The following LRRC7 variants were observed in gnomAD, a reference collection of about 807,000 sequenced individuals.
LRRC7 encodes leucine rich repeat containing 7.
LRRC7 carries 23 observed loss-of-function variants against 175.7 expected under a neutral mutation model. That is an observed-to-expected ratio of 0.13 (90% CI 0.09 to 0.19). The LOEUF is 0.19. Among genes scored for constraint, LRRC7 ranks in the 10% least tolerant of loss-of-function variants. LRRC7 has a pLI of 1.00. For missense variants in LRRC7, 1,354 were observed against 1,904.7 expected (o/e 0.71, Z 5.38); for synonymous variants, 685 against 680.9 (o/e 1.01, Z -0.09).
chr1:69,905,541 A>C (rs940874535), intron 7 of LRRC7, among the ~76,000 whole-genome samples: 1 of 152,118 alleles, frequency 6.6e-6, no homozygotes, highest in African/African-American at 2.4e-5. Flanking sequence ...GTTTGCTGAA[A>C]ATGATGGTTT....
intron 2 of LRRC7, among the ~76,000 whole-genome samples, chr1:69,714,732 G>A (rs1665148708): frequency 6.6e-6 from 1 of 151,906 alleles, no homozygotes; most frequent in Admixed American, 6.6e-5. Context: ...GGTAAAGTCA[G>A]GGGCAGAGAA....
At chr1:69,836,350 A>G (rs1681103459) in intron 6 of LRRC7, among the ~76,000 whole-genome samples, 1 of 152,156 alleles carries the variant, frequency 6.6e-6, no homozygotes, top group South Asian at 2.1e-4. Context: ...TTCATCATTC[A>G]TCCACAGAAA....
At chr1:69,735,195 A>G (rs1436632135) in intron 2 of LRRC7, among the ~76,000 whole-genome samples, 2 of 152,084 alleles carry the variant, frequency 1.3e-5, no homozygotes, top group East Asian at 1.9e-4. Context: ...TAATAATTCC[A>G]TAATAATATC....
chr1:70,048,802 T>C (rs1010156039), intron 22 of LRRC7, among the ~76,000 whole-genome samples: 1 of 152,090 alleles, frequency 6.6e-6, no homozygotes, highest in Non-Finnish European at 1.5e-5. Flanking sequence ...GAGCACTCAG[T>C]ATCACCAAGA....
intron 10 of LRRC7, among the ~76,000 whole-genome samples, chr1:69,987,313 C>CT (rs978361504): frequency 6.6e-6 from 1 of 152,126 alleles, no homozygotes; most frequent in Non-Finnish European, 1.5e-5. Context: ...AATGTGTAAG[C>CT]TTTTTTGTGT....
At chr1:69,746,534 A>G (rs1669273129) in intron 2 of LRRC7, among the ~76,000 whole-genome samples, 1 of 152,140 alleles carries the variant, frequency 6.6e-6, no homozygotes, top group Non-Finnish European at 1.5e-5. Flanking sequence ...CAACAGATTG[A>G]TGAATCTAAT....
At chr1:70,002,178 G>A (rs903922659) in intron 11 of LRRC7, among the ~76,000 whole-genome samples, 2 of 152,156 alleles carry the variant, frequency 1.3e-5, no homozygotes, top group African/African-American at 4.8e-5. Context: ...CTGAAAGGTT[G>A]TTTTTAAAAG....
chr1:69,687,520 C>CAAAAAAAA (rs551726376), intron 2 of LRRC7, among the ~76,000 whole-genome samples: 1,268 of 95,772 alleles, frequency 0.013, no homozygotes, highest in East Asian at 0.021. Flanking sequence ...AAGAAAAAAC[C>CAAAAAAAA]AAAAAAAAAA....
rs571941189 is a variant in LRRC7 at position 70,079,455 on chromosome 1, G to A, written c.4452+3157G>A. Among the ~76,000 whole-genome samples, 27 of 152,250 alleles carry A rather than the reference G, an allele frequency of 1.8e-4. No individual in the cohort carries two copies. In the East Asian group the frequency reaches 2.9e-3, roughly 16 times the overall value. On this transcript the variant is annotated intron_variant, in intron 24 of 26. Transcript: ENST00000651989. The stretch of plus-strand genomic sequence containing the variant: ...TTAAGAGCAAGGAGACACAGTAAAC[G>A]TGGTACAAAGAAAGTCTACTCAGTA...
At chr1:69,760,526 C>T (rs1670924734) in intron 3 of LRRC7, 133 bp downstream of exon 3, 2 of 727,824 alleles carry the variant, frequency 2.7e-6, no homozygotes, top group South Asian at 1.9e-5. Flanking sequence ...GATATAACTT[C>T]CCCCAATATT....
chr1:69,988,962 C>T (rs1447660394), intron 10 of LRRC7, among the ~76,000 whole-genome samples: 1 of 151,868 alleles, frequency 6.6e-6, no homozygotes, highest in Non-Finnish European at 1.5e-5. Context: ...AAAATTCAAC[C>T]AAATAGGAGA....
rs915083233 is a variant in LRRC7, at chr1:69,769,588, C to T, written c.303+9195C>T. Among the ~76,000 whole-genome samples, 11 of 152,242 alleles carry T rather than the reference C, an allele frequency of 7.2e-5. No individual in the cohort carries two copies. The South Asian group carries it at 1.0e-3, about 14-fold the overall frequency. Reference sequence around the variant, plus strand: ...CATAAATGAATTTTGTGTTTAGACTCTGGTCCCATCCTCAAGATATCTCAT... The same window carrying T: ...CATAAATGAATTTTGTGTTTAGACTTTGGTCCCATCCTCAAGATATCTCAT... On this transcript the variant is annotated intron_variant, in intron 3 of 26. Coordinates refer to ENST00000651989, the MANE Select transcript of LRRC7 (RefSeq NM_001370785.2).
Position 70,124,536 on chromosome 1 carries a change from A to G in LRRC7, c.*2649A>G, listed in dbSNP as rs1666359841. Among the ~76,000 whole-genome samples, 2 of 152,228 alleles carry G rather than the reference A, an allele frequency of 1.3e-5. No individual in the cohort carries two copies. The highest frequency in any genetic ancestry group is 4.2e-4 in the South Asian group (2 of 4,816). ...CGAAACTCTGTCTCAAAATAAATAA[A>G]TAAATTATTTATTTAAGTAGAAAAG... On this transcript the variant is annotated 3_prime_UTR_variant, in exon 27 of 27. Transcript: ENST00000651989.
rs557726095 is a variant in LRRC7 at position 69,769,571 on chromosome 1, A to C, written c.303+9178A>C. 1.1e-4 allele frequency among the ~76,000 whole-genome samples: 17 copies of C among 152,290 alleles called. 1 individual carries two copies. Among genetic ancestry groups the C allele is most frequent in the Admixed American group, 9.8e-4 (15 of 15,296 alleles). Reference sequence around the variant, plus strand: ...ATAAAGTGTATATGAAGCATAAATGAATTTTGTGTTTAGACTCTGGTCCCA... The same window carrying C: ...ATAAAGTGTATATGAAGCATAAATGCATTTTGTGTTTAGACTCTGGTCCCA... On this transcript the variant is annotated intron_variant, in intron 3 of 26. Transcript: ENST00000651989.
chr1:69,582,532 G>A (rs969502087), intron 1 of LRRC7, among the ~76,000 whole-genome samples: 1 of 152,168 alleles, frequency 6.6e-6, no homozygotes, highest in South Asian at 2.1e-4. Flanking sequence ...AGGTCCATTT[G>A]CAGTCCTTTG....
intron 7 of LRRC7, among the ~76,000 whole-genome samples, chr1:69,860,942 A>G (rs1684294248): frequency 6.6e-6 from 1 of 152,066 alleles, no homozygotes; most frequent in South Asian, 2.1e-4. Flanking sequence ...ATTAACTGAA[A>G]TAATCTTAGA....
At chr1:69,621,797 G>C (rs1370843971) in intron 1 of LRRC7, among the ~76,000 whole-genome samples, 1 of 152,058 alleles carries the variant, frequency 6.6e-6, no homozygotes, top group Non-Finnish European at 1.5e-5. Context: ...TACTGGACTG[G>C]ACCACTCTTT....
At chr1:69,590,351 C>T (rs553769548) in intron 1 of LRRC7, among the ~76,000 whole-genome samples, 5 of 152,204 alleles carry the variant, frequency 3.3e-5, no homozygotes, top group South Asian at 2.1e-4. Context: ...TGATATAGCA[C>T]GTGGTAGGTG....
chr1:70,047,806 A>T (rs911424337), intron 22 of LRRC7, among the ~76,000 whole-genome samples: 44 of 152,038 alleles, frequency 2.9e-4, no homozygotes, highest in African/African-American at 1.0e-3. Context: ...ATGCCAACAA[A>T]TATAACAAAA....
Sources: gnomAD v4.1 joint callset for allele counts (sites outside exome capture counted in the v4.1 genomes callset) on GRCh38, gnomAD v4.1.1 for gene constraint, MANE v1.5 for transcripts, NCBI Gene and HGNC (gene_info 2026-07-23, HGNC 2026-07-21) for gene names.